The following C6 variants were observed in gnomAD, a reference collection of about 807,000 sequenced individuals.
C6 encodes the protein complement C6.
A neutral mutation model predicts 112.9 loss-of-function variants in C6; 101 were observed. The observed-to-expected ratio is 0.89, with a 90% CI of 0.76 to 1.06. The LOEUF is 1.06. Ranked by LOEUF, C6 falls within the 50% of genes least tolerant of loss-of-function variation. C6 has a pLI of 0.00. For missense variants in C6, 1,202 were observed against 1,104.6 expected (o/e 1.09, Z -1.25); for synonymous variants, 431 against 384.1 (o/e 1.12, Z -1.43).
At chr5:41,199,951 G>C (rs1003246880) in intron 3 of C6, 39 bp from the exon 4 acceptor site, 4 of 1,608,762 alleles carry the variant, frequency 2.5e-6, no homozygotes, top group African/African-American at 2.7e-5. Context: ...TCTGAGGCAG[G>C]GTCAAGGTCA....
At chr5:41,200,263 T>C (rs1446870357) in intron 3 of C6, among the ~76,000 whole-genome samples, 3 of 152,196 alleles carry the variant, frequency 2.0e-5, no homozygotes, top group Non-Finnish European at 4.4e-5. Context: ...GTAGCCTTTC[T>C]GTATCTTAAA....
At chr5:41,186,813 G>A (rs546598128) in intron 5 of C6, among the ~76,000 whole-genome samples, 4 of 151,968 alleles carry the variant, frequency 2.6e-5, no homozygotes, top group African/African-American at 7.2e-5. Context: ...ACCATATGAT[G>A]TAGATATAAT....
At chr5:41,258,061 A>T (rs975830574) in intron 1 of C6, among the ~76,000 whole-genome samples, 2 of 152,162 alleles carry the variant, frequency 1.3e-5, no homozygotes, top group Admixed American at 6.5e-5. Context: ...AACAACAAAG[A>T]AAAAACCCAC....
chr5:41,187,733 A>C (rs955198164), intron 5 of C6, among the ~76,000 whole-genome samples: 1 of 140,978 alleles, frequency 7.1e-6, no homozygotes, highest in African/African-American at 2.6e-5. Flanking sequence ...CACAGCTTTT[A>C]AGTTTCTGAA....
intron 6 of C6, among the ~76,000 whole-genome samples, chr5:41,185,766 T>C (rs952966272): frequency 6.6e-6 from 1 of 152,190 alleles, no homozygotes; most frequent in Admixed American, 6.5e-5. Context: ...GGAGCTATTT[T>C]AGAGCTGAAT....
intron 6 of C6, 40 bp downstream of exon 6, chr5:41,186,030 C>A (rs1283618169): frequency 6.2e-7 from 1 of 1,613,184 alleles, no homozygotes; most frequent in South Asian, 1.1e-5. Flanking sequence ...CTTATAATCA[C>A]TGACGGTGTT....
At chr5:41,148,882 C>T (rs1746102733) in intron 17 of C6, among the ~76,000 whole-genome samples, 1 of 152,172 alleles carries the variant, frequency 6.6e-6, no homozygotes, top group Non-Finnish European at 1.5e-5. Context: ...CTCAGACAGT[C>T]CCAAACACTA....
At chr5:41,216,396 C>G (rs1246116946), upstream of C6, among the ~76,000 whole-genome samples, 1 of 152,108 alleles carries the variant, frequency 6.6e-6, no homozygotes, top group Non-Finnish European at 1.5e-5. Context: ...CTGCCTTCCT[C>G]TATGATTCTC....
rs981139002 is a variant in C6 at position 41,172,714 on chromosome 5, C to T, written c.1169-367G>A. On this transcript the variant is annotated intron_variant, in intron 8 of 17. Coordinates refer to ENST00000337836, the MANE Select transcript of C6 (RefSeq NM_000065.5). ...CTTTAAGCTCTCCCTTTCTATTGGCCGCTGCACTGTGTAGCCCTGCAAATC... is the reference window on the plus strand; with the variant it reads ...CTTTAAGCTCTCCCTTTCTATTGGCTGCTGCACTGTGTAGCCCTGCAAATC... 7 of 366,080 alleles carry T rather than the reference C, an allele frequency of 1.9e-5. No homozygotes were observed. The East Asian group carries it at 2.7e-4, about 14-fold the overall frequency. The allele number at this position is 366,080 out of a possible 1,614,324, so 22.7% of individuals were successfully genotyped here. A position where few individuals can be genotyped will look rare whatever the true frequency, so the allele number is the denominator to read the frequency against.
At chr5:41,228,213 G>A (rs1739649581) in intron 1 of C6, among the ~76,000 whole-genome samples, 1 of 151,162 alleles carries the variant, frequency 6.6e-6, no homozygotes, top group African/African-American at 2.4e-5. Flanking sequence ...CTTTATTTTT[G>A]TGGTAGCTTT....
rs112173951 is a variant in C6, at chr5:41,253,626, C to A, written c.-21+7568G>T. On this transcript the variant is annotated intron_variant, in intron 1 of 17. Transcript: ENST00000263413. ...TCACTGCTCTATAGAGTGTAGGGTCCAATGGCTGAAAAACCATTGTTTTAT... is the reference window on the plus strand; with the variant it reads ...TCACTGCTCTATAGAGTGTAGGGTCAAATGGCTGAAAAACCATTGTTTTAT... Among the ~76,000 whole-genome samples, 837 of 152,220 alleles carry A rather than the reference C, an allele frequency of 5.5e-3. 7 individuals are homozygous for A. Among genetic ancestry groups the A allele is most frequent in the African/African-American group, 0.019 (797 of 41,524 alleles).
rs761207560 is a variant in C6, at chr5:41,160,182, A to G, written c.1644T>C (p.Tyr548=). 3.1e-6 allele frequency: 5 copies of G among 1,613,878 alleles called. No homozygotes were observed. The highest frequency in any genetic ancestry group is 4.2e-6 in the Non-Finnish European group (5 of 1,179,802). ...GAGACTGTTTCTCACAGTTCTCACC[A>G]TAGGTGCCACTCTGACACACACACA... ...ECLCVCQSGT[Y]GENCEKQSPD... is the part of the protein sequence containing the mutation. The change falls in exon 11 of 18, where the codon TAT becomes TAC. Residue 548 remains tyrosine (Y), a synonymous_variant. Coordinates refer to ENST00000337836, the MANE Select transcript of C6 (RefSeq NM_000065.5).
chr5:41,241,590 G>T (rs1476041348), intron 1 of C6, among the ~76,000 whole-genome samples: 1 of 152,190 alleles, frequency 6.6e-6, no homozygotes, highest in African/African-American at 2.4e-5. Context: ...GTTGGAGGAA[G>T]TGAAAGGATA....
intron 17 of C6, among the ~76,000 whole-genome samples, chr5:41,146,342 G>C (rs1745824345): frequency 6.6e-6 from 1 of 152,148 alleles, no homozygotes; most frequent in African/African-American, 2.4e-5. Context: ...TTTAGATAGA[G>C]AAGGAAAAGA....
At chr5:41,200,580 A>T (rs1750934471) in intron 3 of C6, among the ~76,000 whole-genome samples, 1 of 152,200 alleles carries the variant, frequency 6.6e-6, no homozygotes, top group Non-Finnish European at 1.5e-5. Flanking sequence ...GAATAAGATG[A>T]CACATGAAAG....
chr5:41,147,141 G>A (rs1211956521), intron 17 of C6, among the ~76,000 whole-genome samples: 1 of 152,092 alleles, frequency 6.6e-6, no homozygotes, highest in Non-Finnish European at 1.5e-5. Context: ...CAGATAAAAA[G>A]TTGATATTTA....
chr5:41,172,108 G>T, intron 9 of C6, 117 bp downstream of exon 9: 1 of 1,048,664 alleles, frequency 9.5e-7, no homozygotes, highest in Non-Finnish European at 1.5e-6. Flanking sequence ...GGGTTCTGAG[G>T]AAGAGAAATG....
chr5:41,185,640 C>T (rs942384103), intron 6 of C6, among the ~76,000 whole-genome samples: 1 of 152,058 alleles, frequency 6.6e-6, no homozygotes, highest in African/African-American at 2.4e-5. Flanking sequence ...ACTGACTCAT[C>T]ATGATTTTTC....
At chr5:41,241,020 G>T (rs1740674975) in intron 1 of C6, among the ~76,000 whole-genome samples, 1 of 152,136 alleles carries the variant, frequency 6.6e-6, no homozygotes, top group African/African-American at 2.4e-5. Flanking sequence ...CAGATCTTTG[G>T]GCAGCATGCT....
Sources: allele counts gnomAD v4.1 joint callset (sites outside exome capture counted in the v4.1 genomes callset), GRCh38; gene constraint gnomAD v4.1.1; transcripts MANE v1.5; gene names NCBI Gene and HGNC (gene_info 2026-07-23, HGNC 2026-07-21).